The following SOX6 variants were observed in gnomAD, a reference collection of about 807,000 sequenced individuals.
SOX6 encodes the protein SRY-box transcription factor 6, also known as transcription factor SOX-6.
In SOX6, 11 loss-of-function variants were observed where a neutral mutation model predicts 97.8. That is an observed-to-expected ratio of 0.11 (90% CI 0.07 to 0.19). The LOEUF is 0.19. Ranked by LOEUF, SOX6 falls within the 10% of genes least tolerant of loss-of-function variation. The pLI is 1.00. For missense variants in SOX6, 810 were observed against 1,039.5 expected, an observed-to-expected ratio of 0.78 and a Z score of 3.04; for synonymous variants, 360 against 371.4, an observed-to-expected ratio of 0.97 and a Z score of 0.35.
At chr11:16,400,132 A>G (rs1858511410) in intron 1 of SOX6, among the ~76,000 whole-genome samples, 1 of 151,544 alleles carries the variant, frequency 6.6e-6, no homozygotes, top group African/African-American at 2.4e-5. Context: ...GGCGAATATG[A>G]GGAACAAAAA....
intron 13 of SOX6, among the ~76,000 whole-genome samples, chr11:16,001,710 C>T (rs1854412846): frequency 6.6e-6 from 1 of 152,172 alleles, no homozygotes; most frequent in Non-Finnish European, 1.5e-5. Flanking sequence ...TGAAATACTG[C>T]CCCACCAAAG....
intron 12 of SOX6, among the ~76,000 whole-genome samples, chr11:16,028,103 C>A (rs1480553558): frequency 6.6e-6 from 1 of 152,162 alleles, no homozygotes; most frequent in Non-Finnish European, 1.5e-5. Flanking sequence ...TGTGTGCAAA[C>A]CGTGAAGAGG....
intron 1 of SOX6, among the ~76,000 whole-genome samples, chr11:16,381,075 T>C (rs911319029): frequency 3.3e-5 from 5 of 152,096 alleles, no homozygotes; most frequent in African/African-American, 1.2e-4. Flanking sequence ...AATTTCCATA[T>C]GACTAAGCTA....
At chr11:16,693,393 T>C (rs1452024115) in intron 3 of SOX6, among the ~76,000 whole-genome samples, 2 of 152,156 alleles carry the variant, frequency 1.3e-5, no homozygotes, top group Non-Finnish European at 2.9e-5. Flanking sequence ...ATTCACTATA[T>C]ACAATCTTTT....
At chr11:16,426,185 G>T (rs980938046) in intron 1 of SOX6, among the ~76,000 whole-genome samples, 1 of 139,568 alleles carries the variant, frequency 7.2e-6, no homozygotes, top group African/African-American at 2.6e-5. Flanking sequence ...GAACCCGGGA[G>T]GCAGAGCTTG....
chr11:16,118,097 G>T (rs1033038129), intron 6 of SOX6, among the ~76,000 whole-genome samples: 7 of 152,064 alleles, frequency 4.6e-5, no homozygotes, highest in African/African-American at 1.7e-4. Flanking sequence ...AAAATATATC[G>T]CTGGGCATGA....
intron 3 of SOX6, 101 bp downstream of exon 3, chr11:16,318,345 T>G: frequency 7.9e-7 from 1 of 1,258,222 alleles, no homozygotes; most frequent in Non-Finnish European, 1.2e-6. Flanking sequence ...GTGACAATTA[T>G]GCACTTCTCT....
intron 2 of SOX6, among the ~76,000 whole-genome samples, chr11:16,329,101 GAAT>G (rs1370146726): frequency 6.6e-6 from 1 of 151,750 alleles, no homozygotes; most frequent in Non-Finnish European, 1.5e-5. Flanking sequence ...CTATGCTGTT[GAAT>G]AACAATAAAA....
At chr11:15,979,044 T>C (rs545424608) in intron 15 of SOX6, among the ~76,000 whole-genome samples, 2 of 118,820 alleles carry the variant, frequency 1.7e-5, no homozygotes, top group South Asian at 5.1e-4. Context: ...ATATTTTACA[T>C]ATATATATAT....
intron 9 of SOX6, among the ~76,000 whole-genome samples, chr11:16,091,519 A>G (rs1030619752): frequency 6.6e-6 from 1 of 152,070 alleles, no homozygotes; most frequent in Non-Finnish European, 1.5e-5. Flanking sequence ...TGCAACTGAA[A>G]TAGAAATACA....
chr11:16,041,439 T>C (rs914691305), intron 12 of SOX6, among the ~76,000 whole-genome samples: 1 of 152,162 alleles, frequency 6.6e-6, no homozygotes, highest in South Asian at 2.1e-4. Context: ...TGTACTATTC[T>C]GATATTTTTG....
intron 5 of SOX6, among the ~76,000 whole-genome samples, chr11:16,185,606 T>C (rs1009624147): frequency 2.2e-4 from 33 of 152,214 alleles, no homozygotes; most frequent in African/African-American, 8.0e-4. Flanking sequence ...CATGACAACC[T>C]AGTTTTAAGT....
intron 4 of SOX6, among the ~76,000 whole-genome samples, chr11:16,521,850 G>A (rs942204953): frequency 1.2e-4 from 18 of 152,182 alleles, no homozygotes; most frequent in Admixed American, 2.0e-4. Context: ...CTCAGGAGCC[G>A]ATGTGATCAA....
chr11:16,064,069 C>A lies in SOX6; in HGVS notation c.1102-8168G>T, dbSNP rs1411044887. 2.6e-5 allele frequency among the ~76,000 whole-genome samples: 4 copies of A among 151,700 alleles called. No individual in the cohort carries two copies. In the Middle Eastern group the frequency reaches 0.01, roughly 387 times the overall value. ...TGGCATTTCACAATCTTCAAATGGA[C>A]AAGAAAGAGGTAACAGCACCACCAG... On this transcript the variant is annotated intron_variant, in intron 9 of 15. Coordinates refer to ENST00000683767, the MANE Select transcript of SOX6 (RefSeq NM_001367873.1).
At chr11:16,682,142 T>C (rs1022058534) in intron 3 of SOX6, among the ~76,000 whole-genome samples, 3 of 152,200 alleles carry the variant, frequency 2.0e-5, no homozygotes, top group African/African-American at 7.2e-5. Flanking sequence ...TAACAAAGCC[T>C]GGTAGAGACA....
At chr11:16,112,784 TTACTC>T (rs1849261896) in intron 6 of SOX6, among the ~76,000 whole-genome samples, 1 of 152,178 alleles carries the variant, frequency 6.6e-6, no homozygotes, top group Non-Finnish European at 1.5e-5. Flanking sequence ...GCTTCCTTCT[TTACTC>T]TATGCATGCT....
chr11:16,654,184 A>G (rs551183835), intron 3 of SOX6, among the ~76,000 whole-genome samples: 5 of 152,268 alleles, frequency 3.3e-5, no homozygotes, highest in Admixed American at 2.6e-4. Context: ...ATTTAGAGAC[A>G]GGCTCTCAGT....
chr11:16,441,613 A>C lies in SOX6; in HGVS notation c.-5+34702T>G, dbSNP rs1859504088. ...ATATCTTAAGAATGCATATCTTTTA[A>C]CATAAAATATCCTCAATGTATGGCA... On this transcript the variant is annotated intron_variant, in intron 1 of 15. Transcript: ENST00000396356. Among the ~76,000 whole-genome samples the C allele has an allele frequency of 3.9e-5, 6 of 152,330 alleles. No homozygotes were observed. The South Asian group carries it at 1.2e-3, about 32-fold the overall frequency.
intron 12 of SOX6, among the ~76,000 whole-genome samples, chr11:16,041,031 C>A (rs532337737): frequency 6.6e-6 from 1 of 152,176 alleles, no homozygotes; most frequent in East Asian, 1.9e-4. Context: ...ATGTGCCCTG[C>A]ATTCTTCATA....
Sources: allele counts gnomAD v4.1 joint callset (sites outside exome capture counted in the v4.1 genomes callset), GRCh38; gene constraint gnomAD v4.1.1; transcripts MANE v1.5; gene names NCBI Gene and HGNC (gene_info 2026-07-23, HGNC 2026-07-21).